RBFOX1: variants seen among roughly 807,000 people sequenced by gnomAD.
The protein encoded by RBFOX1 is RNA binding fox-1 homolog 1.
A neutral mutation model predicts 57.7 loss-of-function variants in RBFOX1; 8 were observed. That is an observed-to-expected ratio of 0.14 (90% CI 0.08 to 0.25). The LOEUF is 0.25. Among genes scored for constraint, RBFOX1 ranks in the 10% least tolerant of loss-of-function variants. The pLI is 1.00. For synonymous variants in RBFOX1, 326 were observed against 222.4 expected (o/e 1.47, Z -4.15); for missense variants, 611 against 548.5 (o/e 1.11, Z -1.14).
At chr16:7,225,415 C>G (rs1209249441) in intron 4 of RBFOX1, among the ~76,000 whole-genome samples, 1 of 152,042 alleles carries the variant, frequency 6.6e-6, no homozygotes, top group Non-Finnish European at 1.5e-5. Flanking sequence ...GGTTCTCATT[C>G]TCTCTTGTCT....
chr16:7,655,795 G>A (rs990980216), intron 12 of RBFOX1, among the ~76,000 whole-genome samples: 1 of 152,126 alleles, frequency 6.6e-6, no homozygotes, highest in African/African-American at 2.4e-5. Flanking sequence ...ATATTGAAGA[G>A]CAAAAGAAAC....
At chr16:5,720,290 T>G (rs1025938358) in intron 3 of RBFOX1, among the ~76,000 whole-genome samples, 2 of 152,294 alleles carry the variant, frequency 1.3e-5, no homozygotes, top group South Asian at 4.1e-4. Context: ...TGATATTGAG[T>G]TGTGAGAGTT....
intron 3 of RBFOX1, among the ~76,000 whole-genome samples, chr16:6,857,696 A>G (rs2058161431): frequency 6.6e-6 from 1 of 152,186 alleles, no homozygotes; most frequent in Non-Finnish European, 1.5e-5. Context: ...AACGGAGTGT[A>G]TCAGTTGTTC....
intron 4 of RBFOX1, among the ~76,000 whole-genome samples, chr16:7,338,037 C>G (rs1167078988): frequency 6.6e-6 from 1 of 152,166 alleles, no homozygotes; most frequent in Non-Finnish European, 1.5e-5. Context: ...CCATTCCTTT[C>G]TCTTTTAAAG....
chr16:6,039,645 T>C (rs896868392), intron 1 of RBFOX1, among the ~76,000 whole-genome samples: 2 of 152,234 alleles, frequency 1.3e-5, no homozygotes, highest in African/African-American at 4.8e-5. Context: ...GTTCAGTTAT[T>C]TTGAGGAAAG....
chr16:5,464,296 T>A (rs1036626645), intron 1 of RBFOX1, among the ~76,000 whole-genome samples: 1 of 152,152 alleles, frequency 6.6e-6, no homozygotes, highest in South Asian at 2.1e-4. Context: ...GGGGTAGACA[T>A]TGGGGTCCAG....
intron 4 of RBFOX1, among the ~76,000 whole-genome samples, chr16:7,153,223 A>G (rs911228362): frequency 6.6e-6 from 1 of 151,914 alleles, no homozygotes; most frequent in Non-Finnish European, 1.5e-5. Flanking sequence ...CAATAACTCA[A>G]CTTTGAGTCT....
intron 1 of RBFOX1, among the ~76,000 whole-genome samples, chr16:5,315,632 G>A (rs1489316784): frequency 2.0e-5 from 3 of 152,150 alleles, no homozygotes; most frequent in East Asian, 1.9e-4. Flanking sequence ...TGTTTGTCAC[G>A]TACAGAAAGT....
chr16:6,523,545 C>T (rs74005253), intron 2 of RBFOX1, among the ~76,000 whole-genome samples: 1,821 of 152,250 alleles, frequency 0.012, 48 homozygotes, highest in African/African-American at 0.041. Flanking sequence ...GACTTTGGTA[C>T]GCTACTTACC....
At chr16:6,174,763 A>C (rs532720996) in intron 1 of RBFOX1, among the ~76,000 whole-genome samples, 1 of 152,308 alleles carries the variant, frequency 6.6e-6, no homozygotes, top group East Asian at 1.9e-4. Context: ...ACTTCAGTGC[A>C]TATGCTAGGA....
chr16:7,636,140 A>T (rs2061717830), intron 11 of RBFOX1, among the ~76,000 whole-genome samples: 1 of 152,240 alleles, frequency 6.6e-6, no homozygotes, highest in African/African-American at 2.4e-5. Context: ...TCCCTCCACA[A>T]GGAGATAGTA....
At chr16:7,163,243 C>G (rs903685010) in intron 4 of RBFOX1, among the ~76,000 whole-genome samples, 1 of 152,066 alleles carries the variant, frequency 6.6e-6, no homozygotes, top group African/African-American at 2.4e-5. Context: ...TTTCTTTTGA[C>G]TATTACGTTG....
intron 3 of RBFOX1, among the ~76,000 whole-genome samples, chr16:7,025,813 G>A (rs555998077): frequency 6.6e-6 from 1 of 152,228 alleles, no homozygotes; most frequent in South Asian, 2.1e-4. Context: ...GATTCAAACT[G>A]GAGCAGCCAT....
At chr16:7,136,523 C>T (rs747271590) in intron 4 of RBFOX1, among the ~76,000 whole-genome samples, 7 of 150,884 alleles carry the variant, frequency 4.6e-5, no homozygotes, top group Non-Finnish European at 8.8e-5. Context: ...TTTCTAACCT[C>T]ATCCGCTCGA....
At chr16:5,284,446 TC>T (rs1198408102) in intron 1 of RBFOX1, among the ~76,000 whole-genome samples, 1 of 152,102 alleles carries the variant, frequency 6.6e-6, no homozygotes, top group African/African-American at 2.4e-5. Context: ...TTCTTTTGCT[TC>T]CCAATGTAGG....
At chr16:6,032,427 C>T (rs1375028487) in intron 1 of RBFOX1, among the ~76,000 whole-genome samples, 2 of 152,074 alleles carry the variant, frequency 1.3e-5, no homozygotes, top group Non-Finnish European at 2.9e-5. Context: ...GATTGCTTCA[C>T]TGAAAGAAAG....
intron 4 of RBFOX1, among the ~76,000 whole-genome samples, chr16:7,406,505 C>T (rs571353375): frequency 2.0e-5 from 3 of 152,196 alleles, no homozygotes; most frequent in South Asian, 2.1e-4. Flanking sequence ...AACCTACTTT[C>T]GAATCTTGCT....
At chr16:6,613,675 C>A (rs2098101708) in intron 2 of RBFOX1, among the ~76,000 whole-genome samples, 1 of 152,126 alleles carries the variant, frequency 6.6e-6, no homozygotes, top group Non-Finnish European at 1.5e-5. Flanking sequence ...TGTGTTATCT[C>A]ATTTTTTAAA....
intron 3 of RBFOX1, among the ~76,000 whole-genome samples, chr16:6,694,311 C>T (rs1276086582): frequency 3.9e-5 from 6 of 152,124 alleles, no homozygotes; most frequent in Non-Finnish European, 8.8e-5. Context: ...TCTTGACAAA[C>T]AATTTAAGAG....
Sources: allele counts gnomAD v4.1 joint callset (sites outside exome capture counted in the v4.1 genomes callset), GRCh38; gene constraint gnomAD v4.1.1; transcripts MANE v1.5; gene names NCBI Gene and HGNC (gene_info 2026-07-23, HGNC 2026-07-21).